Variants in QTMAN observed in about 807,000 individuals in gnomAD.
The protein encoded by QTMAN is queuosine-tRNA mannosyltransferase.
the QTMAN span, among the ~76,000 whole-genome samples, chr2:144,097,714 T>C: frequency 6.6e-6 from 1 of 152,158 alleles, no homozygotes; most frequent in Non-Finnish European, 1.5e-5. Flanking sequence ...CAGCTTTAAG[T>C]CCTCTGTCAA....
the QTMAN span, among the ~76,000 whole-genome samples, chr2:144,050,475 T>C: frequency 1.3e-5 from 2 of 152,134 alleles, no homozygotes. Flanking sequence ...GTGGGGCTGG[T>C]GTAGAGAGTA....
At chr2:144,007,303 A>G in the QTMAN span, 8 of 1,613,172 alleles carry the variant, frequency 5.0e-6, no homozygotes, top group Non-Finnish European at 6.8e-6. Flanking sequence ...GAATTATCTG[A>G]CGAGGTGGAT....
chr2:144,131,143 G>T, the QTMAN span, among the ~76,000 whole-genome samples: 1 of 151,794 alleles, frequency 6.6e-6, no homozygotes, highest in Non-Finnish European at 1.5e-5. Context: ...GCAAATGCAG[G>T]TCAATATAAC....
chr2:144,101,114 C>T, the QTMAN span, among the ~76,000 whole-genome samples: 21 of 152,034 alleles, frequency 1.4e-4, no homozygotes, highest in East Asian at 1.4e-3. Flanking sequence ...GTGATCCGCC[C>T]GCCTTGGCCT....
the QTMAN span, among the ~76,000 whole-genome samples, chr2:144,059,603 C>A: frequency 6.6e-6 from 1 of 152,166 alleles, no homozygotes; most frequent in Non-Finnish European, 1.5e-5. Flanking sequence ...GAGCCTTCTA[C>A]CTAGTCTACG....
chr2:144,195,465 T>G, the QTMAN span, among the ~76,000 whole-genome samples: 1 of 151,892 alleles, frequency 6.6e-6, no homozygotes, highest in African/African-American at 2.4e-5. Flanking sequence ...ATGGAAAAAA[T>G]AAAGAAAACT....
the QTMAN span, among the ~76,000 whole-genome samples, chr2:144,120,579 G>A: frequency 1.3e-5 from 2 of 152,138 alleles, no homozygotes; most frequent in African/African-American, 4.8e-5. Context: ...TGACAGTTAT[G>A]AATCTTCTCA....
At chr2:144,246,430 G>A in the QTMAN span, among the ~76,000 whole-genome samples, 287 of 150,596 alleles carry the variant, frequency 1.9e-3, 1 homozygote, top group African/African-American at 6.5e-3. Context: ...AAAATTAGCC[G>A]GGCGCGGTGG....
the QTMAN span, among the ~76,000 whole-genome samples, chr2:144,291,768 G>A: frequency 0.011 from 1,732 of 152,198 alleles, 24 homozygotes; most frequent in African/African-American, 0.039. Context: ...AATCTCATAT[G>A]CAAACCCTTC....
chr2:144,073,654 G>T, the QTMAN span, among the ~76,000 whole-genome samples: 1 of 152,054 alleles, frequency 6.6e-6, no homozygotes, highest in Non-Finnish European at 1.5e-5. Flanking sequence ...ATAACATAAC[G>T]TTTGAAAAAA....
the QTMAN span, among the ~76,000 whole-genome samples, chr2:144,040,470 T>C: frequency 3.9e-5 from 6 of 152,110 alleles, no homozygotes; most frequent in East Asian, 1.2e-3. Flanking sequence ...GGTCTAGGAC[T>C]ATAAGTTTGT....
At chr2:144,282,944 T>C in the QTMAN span, among the ~76,000 whole-genome samples, 2 of 152,160 alleles carry the variant, frequency 1.3e-5, no homozygotes, top group African/African-American at 4.8e-5. Flanking sequence ...AGCTTCTGAG[T>C]TGGTGAATAC....
chr2:144,117,876 C>T, the QTMAN span, among the ~76,000 whole-genome samples: 1 of 152,070 alleles, frequency 6.6e-6, no homozygotes, highest in African/African-American at 2.4e-5. Context: ...GACAGAGTCT[C>T]ACTCTGTTGC....
At chr2:144,065,226 T>C in the QTMAN span, among the ~76,000 whole-genome samples, 1 of 152,124 alleles carries the variant, frequency 6.6e-6, no homozygotes. Context: ...AGGTGTCAAA[T>C]CAAATCAAGA....
chr2:143,957,216 T>C, the QTMAN span: 2 of 1,593,184 alleles, frequency 1.3e-6, no homozygotes, highest in Non-Finnish European at 1.7e-6. Context: ...AAAGAATTCA[T>C]GCTTAGCTGT....
the QTMAN span, chr2:144,007,098 G>C: frequency 1.2e-6 from 1 of 830,916 alleles, no homozygotes; most frequent in Non-Finnish European, 1.9e-6. Context: ...GCAATAAGAA[G>C]AACAAATTAT....
At chr2:144,252,476 T>A in the QTMAN span, among the ~76,000 whole-genome samples, 25 of 152,220 alleles carry the variant, frequency 1.6e-4, no homozygotes, top group Admixed American at 1.4e-3. Context: ...AATAAGCATA[T>A]GAAAAGATGC....
chr2:143,978,362 T>C, the QTMAN span, among the ~76,000 whole-genome samples: 2 of 152,326 alleles, frequency 1.3e-5, no homozygotes, highest in South Asian at 2.1e-4. Context: ...GTGAGAACCA[T>C]ATTCACTAAA....
chr2:144,233,654 G>A, the QTMAN span, among the ~76,000 whole-genome samples: 1 of 152,182 alleles, frequency 6.6e-6, no homozygotes, highest in African/African-American at 2.4e-5. Context: ...GTGTAGGATT[G>A]TCACTTTGAT....
Sources: allele counts gnomAD v4.1 joint callset (sites outside exome capture counted in the v4.1 genomes callset), GRCh38; gene constraint gnomAD v4.1.1; transcripts MANE v1.5; gene names NCBI Gene and HGNC (gene_info 2026-07-23, HGNC 2026-07-21).